PREX1: variants seen among roughly 807,000 people sequenced by gnomAD.
PREX1 encodes phosphatidylinositol-3,4,5-trisphosphate dependent Rac exchange factor 1.
A neutral mutation model predicts 198.3 loss-of-function variants in PREX1; 41 were observed. The ratio of observed to expected loss-of-function variants is 0.21; its 90% CI spans 0.16 to 0.27. PREX1 has a LOEUF of 0.27. PREX1 is among the 10% of genes least tolerant of loss of function. The pLI is 1.00. For synonymous variants in PREX1, 843 were observed against 887.2 expected (o/e 0.95, Z 0.89); for missense variants, 1,620 against 2,200.7 (o/e 0.74, Z 5.28).
chr20:48,689,219 C>T (rs1338155714), intron 9 of PREX1, among the ~76,000 whole-genome samples: 1 of 152,184 alleles, frequency 6.6e-6, no homozygotes, highest in Non-Finnish European at 1.5e-5. Context: ...AAAGTCTGGT[C>T]GTTCTTCCAG....
intron 22 of PREX1, 93 bp from the exon 23 acceptor site, chr20:48,651,148 C>A (rs1244041352): frequency 2.3e-5 from 33 of 1,461,366 alleles, no homozygotes; most frequent in South Asian, 2.2e-4. Context: ...ACTCGTAATA[C>A]CCCCCGGGAA....
the PREX1 span, among the ~76,000 whole-genome samples, chr20:48,862,142 G>A: frequency 1.3e-5 from 2 of 152,066 alleles, no homozygotes; most frequent in Non-Finnish European, 1.5e-5. Context: ...CCCAGGAGGC[G>A]AGGTTCCAGT....
At position 48,827,664 on chromosome 20, in the gene PREX1, C is replaced by T. The variant is rs1362025620; in HGVS notation, c.197G>A (p.Gly66Asp). ...EILGTERDYV[G>D]TLRFLQSAFL... ...CACCGACTGCAAGAAGCGCAAGGTG[C>T]CCACGTAGTCCCTCTCGGTGCCCAA... The change falls in exon 1 of 40, where the codon GGC becomes GAC. Residue 66 changes from glycine (G) to aspartate (D), a missense_variant. Around this residue, in one of 7 missense-constraint regions of PREX1, gnomAD observed 96 missense variants for 98.7 expected, o/e 0.97. Transcript: ENST00000371941. The surrounding 1 kb of genome is among the most constrained non-coding windows in gnomAD (Gnocchi z 4.1). 2.2e-6 allele frequency: 3 copies of T among 1,348,722 alleles called. No homozygotes were observed. The Admixed American group carries it at 9.4e-5, about 42-fold the overall frequency. 83.5% of individuals were successfully genotyped at this position (1,348,722 alleles called of 1,614,324 possible). A position where few individuals can be genotyped will look rare whatever the true frequency, so the allele number is the denominator to read the frequency against.
intron 39 of PREX1, among the ~76,000 whole-genome samples, chr20:48,626,963 C>G (rs1238185995): frequency 6.6e-6 from 1 of 152,172 alleles, no homozygotes; most frequent in South Asian, 2.1e-4. Context: ...CTGAAAACCA[C>G]ATGAAGAGAG....
intron 15 of PREX1, among the ~76,000 whole-genome samples, chr20:48,665,068 ACTCCAGACGGCCTGAATTCTAATCCCGG>A (rs1181622453): frequency 2.5e-5 from 2 of 80,718 alleles, no homozygotes; most frequent in Admixed American, 1.6e-4. Flanking sequence ...TCTAATCCCG[ACTCCAGACGGCCTGAATTCTAATCCCGG>A]CTCCAGACGG....
chr20:48,652,735 C>A, intron 20 of PREX1, 29 bp from the exon 21 acceptor site: 1 of 1,601,208 alleles, frequency 6.2e-7, no homozygotes, highest in South Asian at 1.1e-5. Context: ...AGGGGACAGC[C>A]ATGGTGCCGG....
intron 7 of PREX1, among the ~76,000 whole-genome samples, chr20:48,695,295 C>T (rs1241371002): frequency 6.6e-6 from 1 of 152,218 alleles, no homozygotes; most frequent in African/African-American, 2.4e-5. Flanking sequence ...CTTCACCCAA[C>T]CTCATGGCTG....
chr20:48,793,765 G>A (rs868154039), intron 1 of PREX1, among the ~76,000 whole-genome samples: 18 of 152,340 alleles, frequency 1.2e-4, no homozygotes, highest in Middle Eastern at 3.4e-3. Flanking sequence ...GACCCTACAA[G>A]TCTGGAGCAT....
chr20:48,664,416 T>C (rs1187475303), intron 15 of PREX1, among the ~76,000 whole-genome samples: 1 of 145,516 alleles, frequency 6.9e-6, no homozygotes, highest in African/African-American at 2.5e-5. Flanking sequence ...AGGAGCAGAG[T>C]GATGACGGGG....
intron 2 of PREX1, among the ~76,000 whole-genome samples, chr20:48,746,982 A>C (rs1601110928): frequency 7.4e-6 from 1 of 135,024 alleles, no homozygotes; most frequent in African/African-American, 3.2e-5. Context: ...ACACACACAC[A>C]CACACACACA....
chr20:48,734,735 G>C, intron 3 of PREX1, 85 bp from the exon 4 acceptor site: 1 of 1,242,172 alleles, frequency 8.1e-7, no homozygotes, highest in Non-Finnish European at 1.2e-6. Context: ...GGGCTGGTAG[G>C]GTAGGGGTAA....
chr20:48,855,294 C>A, the PREX1 span, among the ~76,000 whole-genome samples: 14 of 152,138 alleles, frequency 9.2e-5, no homozygotes, highest in African/African-American at 3.4e-4. Context: ...GTGCCTATAT[C>A]TTGGTCATCA....
At chr20:48,730,167 G>A (rs1474809883) in intron 4 of PREX1, among the ~76,000 whole-genome samples, 1 of 151,934 alleles carries the variant, frequency 6.6e-6, no homozygotes. Context: ...CCCCATCTGT[G>A]GCAATTGTCC....
chr20:48,664,914 T>G (rs1243132225), intron 15 of PREX1, among the ~76,000 whole-genome samples: 1 of 147,244 alleles, frequency 6.8e-6, no homozygotes, highest in Non-Finnish European at 1.5e-5. Flanking sequence ...CCAGACGGCC[T>G]GAATTCTAAT....
intron 1 of PREX1, among the ~76,000 whole-genome samples, chr20:48,796,595 T>A (rs2090363429): frequency 6.6e-6 from 1 of 151,664 alleles, no homozygotes; most frequent in African/African-American, 2.4e-5. Flanking sequence ...TGAAAATGAT[T>A]ACACATTTAT....
chr20:48,808,824 C>T (rs1450582182), intron 1 of PREX1, among the ~76,000 whole-genome samples: 5 of 152,166 alleles, frequency 3.3e-5, no homozygotes, highest in African/African-American at 1.2e-4. Context: ...TGCCTCAGGG[C>T]CTTTGCACTT....
intron 1 of PREX1, among the ~76,000 whole-genome samples, chr20:48,804,897 C>T (rs376286612): frequency 1.2e-4 from 18 of 152,204 alleles, no homozygotes; most frequent in East Asian, 1.9e-4. Context: ...AGAGGAGTGG[C>T]GGGGAGGAGG....
At chr20:48,831,201 T>G (rs2090536488), upstream of PREX1, among the ~76,000 whole-genome samples, 1 of 152,160 alleles carries the variant, frequency 6.6e-6, no homozygotes, top group Non-Finnish European at 1.5e-5. Context: ...AGACTCTGTC[T>G]CCTCTGTGCT....
the PREX1 span, among the ~76,000 whole-genome samples, chr20:48,866,958 A>C: frequency 6.6e-6 from 1 of 152,174 alleles, no homozygotes; most frequent in Non-Finnish European, 1.5e-5. Flanking sequence ...CTCTTCCTCC[A>C]TAAGAGGTTG....
Sources: allele counts gnomAD v4.1 joint callset (sites outside exome capture counted in the v4.1 genomes callset), GRCh38; gene constraint gnomAD v4.1.1; regional missense constraint gnomAD v4.1.1; non-coding constraint Gnocchi (gnomAD v3.1); transcripts MANE v1.5; gene names NCBI Gene and HGNC (gene_info 2026-07-23, HGNC 2026-07-21).